The following SMG1 variants were observed in gnomAD, a reference collection of about 807,000 sequenced individuals.
The protein encoded by SMG1 is serine/threonine-protein kinase SMG1.
A neutral mutation model predicts 419.9 loss-of-function variants in SMG1; 22 were observed. The ratio of observed to expected loss-of-function variants is 0.05; its 90% CI spans 0.04 to 0.07. The LOEUF is 0.07. SMG1 is among the 10% of genes least tolerant of loss of function. SMG1 has a pLI of 1.00. For missense variants in SMG1, 3,185 were observed against 4,342.0 expected (o/e 0.73, Z 7.49); for synonymous variants, 1,538 against 1,553.5 (o/e 0.99, Z 0.23).
chr16:18,841,170 C>T (rs868392409), intron 41 of SMG1, among the ~76,000 whole-genome samples: 14 of 152,062 alleles, frequency 9.2e-5, no homozygotes, highest in African/African-American at 2.9e-4. Flanking sequence ...GAGGCTGAGG[C>T]GGGTGGATCA....
At chr16:18,891,575 C>T (rs1171753985) in intron 4 of SMG1, among the ~76,000 whole-genome samples, 1 of 152,054 alleles carries the variant, frequency 6.6e-6, no homozygotes, top group Non-Finnish European at 1.5e-5. Context: ...GCTGGAATTA[C>T]GGGCATGTGC....
At chr16:18,856,650 A>T (rs2034929579) in intron 29 of SMG1, 1 of 151,950 alleles carries the variant, frequency 6.6e-6, no homozygotes, top group Non-Finnish European at 1.5e-5. Context: ...CACCCGGGTG[A>T]TTTTTTAAAT....
intron 19 of SMG1, 30 bp from the exon 20 acceptor site, chr16:18,869,333 C>T (rs759376757): frequency 1.7e-5 from 26 of 1,530,054 alleles, no homozygotes; most frequent in East Asian, 2.3e-5. Flanking sequence ...ATTTAAAAGA[C>T]AATGACAACT....
chr16:18,829,787 GA>G, intron 53 of SMG1, 32 bp from the exon 54 acceptor site: 2 of 1,556,556 alleles, frequency 1.3e-6, no homozygotes, highest in South Asian at 1.2e-5. Context: ...TGTATTTCAT[GA>G]AAAAAATCAG....
Position 18,842,382 on chromosome 16 carries a change from A to G in SMG1, c.6292T>C (p.Trp2098Arg). Residue 2098 changes from tryptophan to arginine, a missense_variant, in exon 40 of 63, where the codon TGG becomes CGG. By Grantham distance (101) the Trp-to-Arg change is moderately radical. Transcript: ENST00000446231. ...YILRLEEISP[W>R]LAAMTNTEIA... The stretch of plus-strand genomic sequence containing the variant: ...TCAGTGTTAGTCATGGCAGCCAACC[A>G]TGGACTGATTTCTTCAAGACGCAAG... 6.2e-7 allele frequency: 1 copy of G among 1,613,948 alleles called. No individual in the cohort carries two copies.
At chr16:18,899,382 AACT>A (rs909627003) in intron 1 of SMG1, among the ~76,000 whole-genome samples, 7 of 152,136 alleles carry the variant, frequency 4.6e-5, no homozygotes, top group Admixed American at 2.6e-4. Flanking sequence ...AACAAAAAAA[AACT>A]AACTGGAATA....
At chr16:18,819,810 C>T (rs2032352066) in intron 55 of SMG1, among the ~76,000 whole-genome samples, 156 bp from the exon 56 acceptor site, 1 of 152,124 alleles carries the variant, frequency 6.6e-6, no homozygotes, top group Admixed American at 6.5e-5. Context: ...TTGGAATTAA[C>T]CTTGATTTCA....
intron 39 of SMG1, among the ~76,000 whole-genome samples, chr16:18,844,771 G>A (rs1389495709): frequency 2.6e-5 from 4 of 152,046 alleles, no homozygotes; most frequent in Admixed American, 6.6e-5. Flanking sequence ...AAATCAGTTA[G>A]GAGCAATAAA....
intron 4 of SMG1, among the ~76,000 whole-genome samples, chr16:18,891,521 C>A (rs1011037121): frequency 1.3e-5 from 2 of 151,908 alleles, no homozygotes; most frequent in African/African-American, 2.4e-5. Context: ...CTGCAACCTC[C>A]GTTTCCTGGG....
chr16:18,829,701 T>C lies in SMG1; in HGVS notation c.9188A>G (p.Asn3063Ser), dbSNP rs758118482. 140 of 1,613,850 alleles carry C rather than the reference T, an allele frequency of 8.7e-5. 1 individual carries two copies. In the South Asian group the frequency reaches 1.3e-3, roughly 15 times the overall value. ...AGAGTTTCTAAAAAGGGTTTTCACA[T>C]TGACAATCTGTACAGGCCCATTCAC... ...NTVNGPVQIV[N>S]VKTLFRNSCF... The change falls in exon 54 of 63, where the codon AAT becomes AGT. Residue 3063 changes from asparagine to serine, a missense_variant. Transcript: ENST00000446231.
intron 1 of SMG1, among the ~76,000 whole-genome samples, chr16:18,922,664 C>T (rs999206859): frequency 8.5e-5 from 13 of 152,232 alleles, no homozygotes; most frequent in Admixed American, 5.9e-4. Flanking sequence ...TTAGTAGAGA[C>T]GGGGTTTCAC....
At chr16:18,819,050 C>T (rs2032280329) in intron 56 of SMG1, among the ~76,000 whole-genome samples, 3 of 152,036 alleles carry the variant, frequency 2.0e-5, no homozygotes, top group Admixed American at 1.3e-4. Flanking sequence ...AACTCCTGAC[C>T]TTGTGATCCA....
rs1317814000 is a variant in SMG1 at position 18,815,266 on chromosome 16, T to G, written c.10530A>C (p.Leu3510Phe). The G allele has an allele frequency of 1.3e-6, 2 of 1,578,816 alleles. No homozygotes were observed. Among genetic ancestry groups the G allele is most frequent in the Non-Finnish European group, 1.7e-6 (2 of 1,161,096 alleles). Residue 3510 changes from leucine to phenylalanine, a missense_variant, in exon 60 of 63, where the codon TTA becomes TTC. By Grantham distance (22) the Leu-to-Phe change is conservative (BLOSUM62 0). Coordinates refer to ENST00000446231, the MANE Select transcript of SMG1 (RefSeq NM_015092.5). Reference sequence around the variant, plus strand: ...TGACTAAGGGTGATGCAAAACTCACTAAATTATTATAGATACTGAAATACA... The same window carrying G: ...TGACTAAGGGTGATGCAAAACTCACGAAATTATTATAGATACTGAAATACA... Reference protein sequence around the residue: ...KTQSQSIYNNLVSFASPLVTD... With the variant: ...KTQSQSIYNNFVSFASPLVTD...
At chr16:18,887,917 A>G (rs796595272) in intron 6 of SMG1, among the ~76,000 whole-genome samples, 19 of 151,496 alleles carry the variant, frequency 1.3e-4, no homozygotes, top group African/African-American at 4.6e-4. Flanking sequence ...AGTAATCCCA[A>G]TACTTTGGGA....
rs143347363 is a variant in SMG1, at chr16:18,870,229, A to C, written c.2493-235T>G. ...GAGGGAGGCATATCAAACATGTGAA[A>C]ATAAAAACCCAATCATTATGCTTAT... On this transcript the variant is annotated intron_variant, in intron 18 of 62. Coordinates refer to ENST00000446231, the MANE Select transcript of SMG1 (RefSeq NM_015092.5). 6.5e-3 allele frequency among the ~76,000 whole-genome samples: 986 copies of C among 152,340 alleles called. 8 individuals carry two copies. The highest frequency in any genetic ancestry group is 0.019 in the African/African-American group (807 of 41,572).
In SMG1 at chr16:18,836,194, G is replaced by C; in HGVS notation, c.7796C>G (p.Pro2599Arg). ...AGCATTCTGCAGAAAGGCTGTTGCT[G>C]GCACGTAACTTGGAGGACCTTTTGG... is the stretch of plus-strand genomic sequence containing the variant. The part of the protein sequence containing the change: ...QMDLGPPSYV[P>R]ATAFLQNAGQ... The change falls in exon 48 of 63, where the codon CCA (proline) becomes CGA (arginine). Residue 2599 changes from proline (P) to arginine (R), a missense_variant. Around this residue, in one of 27 missense-constraint regions of SMG1, gnomAD observed 412 missense variants for 546.6 expected, o/e 0.75. Coordinates refer to ENST00000446231, the MANE Select transcript of SMG1 (RefSeq NM_015092.5). 1 of 1,611,982 alleles carries C rather than the reference G, an allele frequency of 6.2e-7. No individual in the cohort carries two copies. The highest frequency in any genetic ancestry group is 1.1e-5 in the South Asian group (1 of 90,770).
chr16:18,926,239 GC>G lies in SMG1; in HGVS notation c.-199del. The G allele has an allele frequency of 1.8e-6, 1 of 556,368 alleles. No individual in the cohort carries two copies. The highest frequency in any genetic ancestry group is 2.2e-5 in the South Asian group (1 of 44,706). 34.5% of individuals were successfully genotyped at this position (556,368 alleles called of 1,614,324 possible). On this transcript the variant is annotated 5_prime_UTR_variant, in exon 1 of 63. Coordinates refer to ENST00000446231, the MANE Select transcript of SMG1 (RefSeq NM_015092.5). ...GACGGCCGTTCCGGGTTCCGCCTGAGCCCGCAGCGCAGGACGAGGAGGCGGG... is the reference window on the plus strand; with the variant it reads ...GACGGCCGTTCCGGGTTCCGCCTGAGCCGCAGCGCAGGACGAGGAGGCGGG...
At chr16:18,862,909 G>C (rs1350879830) in intron 25 of SMG1, among the ~76,000 whole-genome samples, 1 of 152,164 alleles carries the variant, frequency 6.6e-6, no homozygotes, top group Non-Finnish European at 1.5e-5. Context: ...CATCCTGATG[G>C]GCATGCCTTG....
intron 6 of SMG1, among the ~76,000 whole-genome samples, chr16:18,887,948 T>C (rs2036706869): frequency 6.6e-6 from 1 of 151,158 alleles, no homozygotes; most frequent in African/African-American, 2.4e-5. Flanking sequence ...GGAGGATCAC[T>C]TGAGGTCAGG....
Sources: allele counts gnomAD v4.1 joint callset (sites outside exome capture counted in the v4.1 genomes callset), GRCh38; gene constraint gnomAD v4.1.1; regional missense constraint gnomAD v4.1.1; transcripts MANE v1.5; gene names NCBI Gene and HGNC (gene_info 2026-07-23, HGNC 2026-07-21).